Variants in UNC5D observed in about 807,000 individuals in gnomAD.
The protein encoded by UNC5D is unc-5 netrin receptor D.
In UNC5D, 39 loss-of-function variants were observed where a neutral mutation model predicts 105.4. The observed-to-expected ratio is 0.37, with a 90% confidence interval of 0.29 to 0.48. The LOEUF is 0.48. Ranked by LOEUF, UNC5D falls within the 20% of genes least tolerant of loss-of-function variation. The pLI, the probability that UNC5D is intolerant of heterozygous loss-of-function variation, is 0.98. For missense variants in UNC5D, 991 were observed against 1,202.4 expected (o/e 0.82, Z 2.60); for synonymous variants, 452 against 450.4 (o/e 1.00, Z -0.04).
intron 3 of UNC5D, among the ~76,000 whole-genome samples, chr8:35,579,781 G>A (rs987434001): frequency 6.6e-6 from 1 of 152,198 alleles, no homozygotes. Flanking sequence ...TGTCCAGAAT[G>A]TAGTTTGGGG....
intron 1 of UNC5D, among the ~76,000 whole-genome samples, chr8:35,536,247 T>C (rs1005445160): frequency 6.6e-6 from 1 of 152,232 alleles, no homozygotes. Flanking sequence ...GCGCAGCTTC[T>C]TTGCTGGACA....
At chr8:35,407,589 G>C (rs1230931380) in intron 1 of UNC5D, among the ~76,000 whole-genome samples, 2 of 151,900 alleles carry the variant, frequency 1.3e-5, no homozygotes, top group Non-Finnish European at 2.9e-5. Context: ...TTGTTACATA[G>C]GTAAACTTGT....
At chr8:35,410,258 T>C (rs1168697434) in intron 1 of UNC5D, among the ~76,000 whole-genome samples, 1 of 151,986 alleles carries the variant, frequency 6.6e-6, no homozygotes, top group Non-Finnish European at 1.5e-5. Flanking sequence ...TCTCCCCATA[T>C]ACTGTCAGCT....
intron 1 of UNC5D, among the ~76,000 whole-genome samples, chr8:35,334,037 T>A (rs1810834807): frequency 6.6e-6 from 1 of 152,140 alleles, no homozygotes; most frequent in Non-Finnish European, 1.5e-5. Context: ...GCAGAAAACC[T>A]CCTTCCACAC....
chr8:35,459,563 C>T (rs772441284), intron 1 of UNC5D, among the ~76,000 whole-genome samples: 37 of 152,176 alleles, frequency 2.4e-4, no homozygotes, highest in Admixed American at 1.0e-3. Flanking sequence ...AGCTGAAGGT[C>T]ATGGCATGTA....
At chr8:35,318,764 T>C (rs757946322) in intron 1 of UNC5D, among the ~76,000 whole-genome samples, 1 of 152,110 alleles carries the variant, frequency 6.6e-6, no homozygotes, top group Non-Finnish European at 1.5e-5. Flanking sequence ...ACTAAGGCTG[T>C]GTTTCACTGA....
At chr8:35,423,928 C>G (rs1182834493) in intron 1 of UNC5D, among the ~76,000 whole-genome samples, 1 of 150,228 alleles carries the variant, frequency 6.7e-6, no homozygotes, top group Admixed American at 6.6e-5. Flanking sequence ...TCATAGTTCA[C>G]TGCAACTACA....
chr8:35,540,090 C>T (rs1218127144), intron 1 of UNC5D, among the ~76,000 whole-genome samples: 1 of 152,096 alleles, frequency 6.6e-6, no homozygotes, highest in Non-Finnish European at 1.5e-5. Flanking sequence ...AAATGAAAAG[C>T]GATAACACTT....
intron 1 of UNC5D, among the ~76,000 whole-genome samples, chr8:35,493,358 T>C (rs1811340842): frequency 6.8e-6 from 1 of 147,010 alleles, no homozygotes; most frequent in Non-Finnish European, 1.5e-5. Context: ...TAGTCAAGCA[T>C]CTGTTCCTAG....
At chr8:35,475,442 T>C (rs1037742827) in intron 1 of UNC5D, among the ~76,000 whole-genome samples, 2 of 152,208 alleles carry the variant, frequency 1.3e-5, no homozygotes, top group Non-Finnish European at 2.9e-5. Context: ...ACTTGAACTT[T>C]GGGCTTCTCT....
chr8:35,767,978 TTTTG>T (rs1375590192), intron 15 of UNC5D, among the ~76,000 whole-genome samples: 1 of 151,166 alleles, frequency 6.6e-6, no homozygotes, highest in African/African-American at 2.4e-5. Context: ...AACATACATT[TTTTG>T]TTTTTCACTT....
At chr8:35,644,430 T>G (rs1446702259) in intron 4 of UNC5D, among the ~76,000 whole-genome samples, 1 of 152,152 alleles carries the variant, frequency 6.6e-6, no homozygotes, top group Non-Finnish European at 1.5e-5. Context: ...TTCTGCTGAT[T>G]CAACATTTTC....
Position 35,647,959 on chromosome 8 carries a change from A to T in UNC5D, c.571-35588A>T, listed in dbSNP as rs371769441. Among the ~76,000 whole-genome samples the T allele has an allele frequency of 1.4e-4, 22 of 152,278 alleles. No homozygotes were observed. The East Asian group carries it at 3.7e-3, about 25-fold the overall frequency. ...CATTCCCATGAACTGTAGTCAAGGG[A>T]TCTAGAGTTTCAGCAATAGTCAGGT... On this transcript the variant is annotated intron_variant, in intron 4 of 16. Coordinates refer to ENST00000404895, the MANE Select transcript of UNC5D (RefSeq NM_080872.4).
At chr8:35,255,663 G>C (rs958042851) in intron 1 of UNC5D, 1 of 152,116 alleles carries the variant, frequency 6.6e-6, no homozygotes, top group Non-Finnish European at 1.5e-5. Context: ...AGAAATTGGG[G>C]TGTGTTTAGT....
chr8:35,352,089 A>T (rs1032062082), intron 1 of UNC5D, among the ~76,000 whole-genome samples: 2 of 152,112 alleles, frequency 1.3e-5, no homozygotes, highest in Non-Finnish European at 1.5e-5. Flanking sequence ...GTTTTTTGGT[A>T]TTTACGAAAA....
intron 1 of UNC5D, among the ~76,000 whole-genome samples, chr8:35,263,925 T>C (rs1488575793): frequency 6.6e-6 from 1 of 152,194 alleles, no homozygotes; most frequent in Non-Finnish European, 1.5e-5. Context: ...TAGTATAAAA[T>C]TGTCACAAGT....
In UNC5D at chr8:35,721,437, T is replaced by C. The variant is rs974720692; in HGVS notation, c.1118-773T>C. 2.6e-5 allele frequency: 18 copies of C among 702,856 alleles called. No homozygotes were observed. The Admixed American group carries it at 3.4e-4, about 13-fold the overall frequency. The allele number at this position is 702,856 out of a possible 1,614,324, so 43.5% of individuals were successfully genotyped here. On this transcript the variant is annotated intron_variant, in intron 8 of 16. Coordinates refer to ENST00000404895, the MANE Select transcript of UNC5D (RefSeq NM_080872.4). The stretch of plus-strand genomic sequence containing the variant: ...CAAACTAACGCTTTTATTTTTGCTT[T>C]GCCCATGCATTCAATAGGATGGAGT...
chr8:35,253,216 T>C (rs753784540), intron 1 of UNC5D, among the ~76,000 whole-genome samples: 2 of 152,038 alleles, frequency 1.3e-5, no homozygotes, highest in Non-Finnish European at 2.9e-5. Flanking sequence ...TTAGGTATCT[T>C]CTGATGAAGT....
intron 8 of UNC5D, among the ~76,000 whole-genome samples, chr8:35,707,783 C>A (rs1827683128): frequency 6.6e-6 from 1 of 152,194 alleles, no homozygotes; most frequent in South Asian, 2.1e-4. Flanking sequence ...ATAAACCCCG[C>A]AGAAGCCATT....
Sources: gnomAD v4.1 joint callset for allele counts (sites outside exome capture counted in the v4.1 genomes callset) on GRCh38, gnomAD v4.1.1 for gene constraint, MANE v1.5 for transcripts, NCBI Gene and HGNC (gene_info 2026-07-23, HGNC 2026-07-21) for gene names.